ARMC9: variants seen among roughly 807,000 people sequenced by gnomAD.
ARMC9 encodes the protein lisH domain-containing protein ARMC9.
A neutral mutation model predicts 107.0 loss-of-function variants in ARMC9; 94 were observed. That is an observed-to-expected ratio of 0.88 (90% CI 0.74 to 1.04). The LOEUF is 1.04. Among genes scored for constraint, ARMC9 ranks in the 50% least tolerant of loss-of-function variants. The pLI, the probability that ARMC9 is intolerant of heterozygous loss-of-function variation, is 0.00. For synonymous variants in ARMC9, 380 were observed against 396.9 expected, an observed-to-expected ratio of 0.96 and a Z score of 0.51; for missense variants, 942 against 1,030.1, an observed-to-expected ratio of 0.91 and a Z score of 1.17.
At position 231,279,511 on chromosome 2, in the gene ARMC9, CTTTTTTT is replaced by C. The variant is rs57779512; in HGVS notation, c.1551+1064_1551+1070del. ...CTTTCTTTTCTTTTTTTTCTTTTTTCTTTTTTTTTTTTTTTTTGAGACAGAGTCTCAC... is the reference window on the plus strand; with the variant it reads ...CTTTCTTTTCTTTTTTTTCTTTTTTCTTTTTTTTTTGAGACAGAGTCTCAC... On this transcript the variant is annotated intron_variant, in intron 16 of 24. Transcript: ENST00000611582. Among the ~76,000 whole-genome samples the C allele has an allele frequency of 1.3e-3, 161 of 124,804 alleles. 3 individuals are homozygous for C. Among genetic ancestry groups the C allele is most frequent in the East Asian group, 5.9e-3 (25 of 4,210 alleles). 81.9% of individuals were successfully genotyped at this position (124,804 alleles called of 152,430 possible). A position where few individuals can be genotyped will look rare whatever the true frequency, so the allele number is the denominator to read the frequency against.
At chr2:231,277,796 C>A (rs1048536005) in intron 15 of ARMC9, among the ~76,000 whole-genome samples, 1 of 152,104 alleles carries the variant, frequency 6.6e-6, no homozygotes, top group Non-Finnish European at 1.5e-5. Context: ...CTCCTAACTT[C>A]AAGTGATCCA....
chr2:231,321,278 G>C (rs2125535244), intron 19 of ARMC9, among the ~76,000 whole-genome samples: 1 of 152,258 alleles, frequency 6.6e-6, no homozygotes, highest in Admixed American at 6.5e-5. Context: ...TGTGCTGCCT[G>C]GCCAGAATTA....
intron 20 of ARMC9, among the ~76,000 whole-genome samples, chr2:231,343,289 C>T (rs1009460360): frequency 1.3e-5 from 2 of 151,316 alleles, no homozygotes; most frequent in East Asian, 1.9e-4. Flanking sequence ...CACTGAATCC[C>T]GTAGGCACTG....
intron 21 of ARMC9, among the ~76,000 whole-genome samples, chr2:231,347,269 G>A (rs60110748): frequency 3.9e-5 from 6 of 152,290 alleles, no homozygotes; most frequent in East Asian, 1.9e-4. Context: ...CAGTCGCCCC[G>A]TCACCAGCTT....
chr2:231,224,160 T>C (rs2034426329), intron 6 of ARMC9, among the ~76,000 whole-genome samples: 1 of 152,200 alleles, frequency 6.6e-6, no homozygotes, highest in South Asian at 2.1e-4. Context: ...CTCAAAACAG[T>C]ACCTGACTGG....
chr2:231,267,560 G>A (rs1316229011), intron 12 of ARMC9, among the ~76,000 whole-genome samples: 2 of 152,188 alleles, frequency 1.3e-5, no homozygotes, highest in East Asian at 3.9e-4. Context: ...TAAGGGCAAT[G>A]GTGAGCTGCT....
At chr2:231,205,500 A>T (rs534206835) in intron 1 of ARMC9, among the ~76,000 whole-genome samples, 1 of 152,284 alleles carries the variant, frequency 6.6e-6, no homozygotes, top group South Asian at 2.1e-4. Context: ...AGACCTTTTC[A>T]TTCCTCTGGG....
In ARMC9 at chr2:231,226,805, C is replaced by A. The variant is rs1400396146; in HGVS notation, c.622+7C>A. On this transcript the variant is annotated splice_region_variant and intron_variant, in intron 7 of 24. Coordinates refer to ENST00000611582, the MANE Select transcript of ARMC9 (RefSeq NM_001352754.2). Reference sequence around the variant, plus strand: ...AATGGACAAAGTAACAAAGGTAAATCATCTAGATTTAAATTTGTCTAAGAA... The same window carrying A: ...AATGGACAAAGTAACAAAGGTAAATAATCTAGATTTAAATTTGTCTAAGAA... 12 of 1,613,112 alleles carry A rather than the reference C, an allele frequency of 7.4e-6. No individual in the cohort carries two copies. The highest frequency in any genetic ancestry group is 1.0e-5 in the Non-Finnish European group (12 of 1,179,144).
rs189388764 is a variant in ARMC9, at chr2:231,374,700, C to T, written c.*3165C>T. The T allele has an allele frequency of 4.3e-4, 66 of 152,274 alleles. No homozygotes were observed. The highest frequency in any genetic ancestry group is 1.5e-3 in the African/African-American group (63 of 41,560). 9.4% of individuals were successfully genotyped at this position (152,274 alleles called of 1,614,324 possible). A position where few individuals can be genotyped will look rare whatever the true frequency, so the allele number is the denominator to read the frequency against. The stretch of plus-strand genomic sequence containing the variant: ...CTGGCCCTGTACTTGGATGACCCCA[C>T]CTGGCTTGTCTAACCCTAATCCCAG... On this transcript the variant is annotated 3_prime_UTR_variant, in exon 25 of 25. Transcript: ENST00000611582.
intron 7 of ARMC9, among the ~76,000 whole-genome samples, chr2:231,229,403 T>G (rs1464172722): frequency 6.6e-6 from 1 of 152,214 alleles, no homozygotes; most frequent in African/African-American, 2.4e-5. Flanking sequence ...CCAGAAGCTT[T>G]TAAAGAAGAC....
intron 22 of ARMC9, among the ~76,000 whole-genome samples, chr2:231,356,755 T>C (rs1055540220): frequency 1.3e-5 from 2 of 152,208 alleles, no homozygotes; most frequent in East Asian, 1.9e-4. Context: ...TTATTTTACA[T>C]GTGCTTTACT....
chr2:231,315,488 G>A (rs543355355), intron 19 of ARMC9, among the ~76,000 whole-genome samples: 4 of 147,140 alleles, frequency 2.7e-5, no homozygotes, highest in South Asian at 2.2e-4. Flanking sequence ...ACAGTGAGCC[G>A]AGATTGTGCC....
At chr2:231,276,274 CTT>C (rs577847028) in intron 14 of ARMC9, among the ~76,000 whole-genome samples, 14 of 143,176 alleles carry the variant, frequency 9.8e-5, no homozygotes, top group East Asian at 2.0e-4. Context: ...ACTGTTTCTT[CTT>C]TTTTTTTTTT....
intron 9 of ARMC9, among the ~76,000 whole-genome samples, chr2:231,254,653 T>TAAA (rs1310943468): frequency 9.1e-6 from 1 of 110,044 alleles, no homozygotes. Context: ...ACCCTATCTA[T>TAAA]AAAAAAAAAA....
intron 3 of ARMC9, 53 bp from the exon 4 acceptor site, chr2:231,214,778 T>C: frequency 6.4e-7 from 1 of 1,574,106 alleles, no homozygotes; most frequent in Admixed American, 1.7e-5. Context: ...GTTGTGAGAA[T>C]TTTGGGTGTT....
At chr2:231,256,250 G>A (rs1212013645) in intron 9 of ARMC9, 7 of 1,546,902 alleles carry the variant, frequency 4.5e-6, no homozygotes, top group East Asian at 2.4e-5. Flanking sequence ...CCCCGTGCGC[G>A]AGGGCGACGT....
chr2:231,369,190 G>A (rs1409372224), intron 23 of ARMC9, among the ~76,000 whole-genome samples: 1 of 152,212 alleles, frequency 6.6e-6, no homozygotes, highest in Non-Finnish European at 1.5e-5. Context: ...GGTGGGGCTG[G>A]ACCCAAGGCT....
intron 9 of ARMC9, among the ~76,000 whole-genome samples, chr2:231,253,606 G>A (rs1399498892): frequency 6.6e-6 from 1 of 152,150 alleles, no homozygotes; most frequent in African/African-American, 2.4e-5. Context: ...TTATTGTGCA[G>A]GCATGTCCGC....
At chr2:231,344,117 A>G (rs563316381) in intron 20 of ARMC9, among the ~76,000 whole-genome samples, 2 of 152,332 alleles carry the variant, frequency 1.3e-5, no homozygotes, top group East Asian at 3.9e-4. Flanking sequence ...ATAATGAACA[A>G]CCTTGTTTAT....
Sources: allele counts gnomAD v4.1 joint callset (sites outside exome capture counted in the v4.1 genomes callset), GRCh38; gene constraint gnomAD v4.1.1; transcripts MANE v1.5; gene names NCBI Gene and HGNC (gene_info 2026-07-23, HGNC 2026-07-21).